Variants in SCAF4 observed in about 807,000 individuals in gnomAD.
SCAF4 encodes SR-related CTD associated factor 4, also known as SR-related and CTD-associated factor 4.
Under a neutral mutation model 129.8 loss-of-function variants are expected in SCAF4, and 25 were observed. The observed-to-expected ratio is 0.19, with a 90% CI of 0.14 to 0.27. The LOEUF is 0.27. SCAF4 is among the 10% of genes least tolerant of loss of function. The pLI is 1.00. For missense variants in SCAF4, 1,246 were observed against 1,457.1 expected (o/e 0.86, Z 2.36); for synonymous variants, 551 against 497.7 (o/e 1.11, Z -1.43).
chr21:31,702,275 G>C lies in SCAF4; in HGVS notation c.426C>G (p.Ala142=), dbSNP rs749608847. 1 of 1,613,832 alleles carries C rather than the reference G, an allele frequency of 6.2e-7. No individual in the cohort carries two copies. Among genetic ancestry groups the C allele is most frequent in the Non-Finnish European group, 8.5e-7 (1 of 1,179,984 alleles). ...LDMAAGTSNA[A]PVAENVTNNE... ...TATTGGTAACATTTTCTGCTACTGG[G>C]GCTGCATTACTGGTTCCCGCTGCCA... The change falls in exon 5 of 20, where the codon GCC becomes GCG. Residue 142 remains alanine (A), a synonymous_variant. Transcript: ENST00000286835.
At chr21:31,701,701 A>T in intron 6 of SCAF4, 75 bp downstream of exon 6, 1 of 1,456,960 alleles carries the variant, frequency 6.9e-7, no homozygotes, top group South Asian at 1.4e-5. Context: ...GTGCTTATTA[A>T]TGAAGAATAG....
intron 5 of SCAF4, 49 bp downstream of exon 5, chr21:31,702,195 T>A: frequency 6.2e-7 from 1 of 1,610,450 alleles, no homozygotes; most frequent in Non-Finnish European, 8.5e-7. Flanking sequence ...CTGTTTCATG[T>A]GCAAAAAATC....
chr21:31,705,748 A>G (rs1225844267), intron 2 of SCAF4, among the ~76,000 whole-genome samples: 1 of 152,202 alleles, frequency 6.6e-6, no homozygotes, highest in Non-Finnish European at 1.5e-5. Flanking sequence ...TATGGGACAA[A>G]ACCAATGGAT....
intron 10 of SCAF4, 86 bp downstream of exon 10, chr21:31,694,727 A>G (rs2050342778): frequency 3.0e-6 from 4 of 1,339,920 alleles, no homozygotes; most frequent in Non-Finnish European, 4.2e-6. Context: ...ATATTCAAAA[A>G]TGAAGACAGC....
chr21:31,729,847 GT>G (rs977131672), intron 1 of SCAF4, among the ~76,000 whole-genome samples: 1 of 152,078 alleles, frequency 6.6e-6, no homozygotes, highest in Non-Finnish European at 1.5e-5. Flanking sequence ...CCTAACTTTG[GT>G]TTTTCAAAGT....
chr21:31,706,473 AG>A lies in SCAF4; in HGVS notation c.31-117del, dbSNP rs149295526. ...AAATACAAACGGGGCCGGGGTGGTGAGGGGGGTCTTAGCAGCTAGGGCAGCA... is the reference window on the plus strand; with the variant it reads ...AAATACAAACGGGGCCGGGGTGGTGAGGGGGTCTTAGCAGCTAGGGCAGCA... On this transcript the variant is annotated intron_variant, in intron 1 of 19. Coordinates refer to ENST00000286835, the MANE Select transcript of SCAF4 (RefSeq NM_020706.2). 5,175 of 688,250 alleles carry A rather than the reference AG, an allele frequency of 7.5e-3. 219 individuals are homozygous for A. The African/African-American group carries it at 0.081, about 11-fold the overall frequency. The allele number at this position is 688,250 out of a possible 1,614,324, so 42.6% of individuals were successfully genotyped here.
At chr21:31,731,165 G>T (rs971170387) in intron 1 of SCAF4, among the ~76,000 whole-genome samples, 1 of 152,158 alleles carries the variant, frequency 6.6e-6, no homozygotes, top group Non-Finnish European at 1.5e-5. Flanking sequence ...TCCAGCCGTC[G>T]ACGCGCCGCG....
chr21:31,726,887 A>C (rs1263101539), intron 1 of SCAF4, among the ~76,000 whole-genome samples: 1 of 152,206 alleles, frequency 6.6e-6, no homozygotes, highest in African/African-American at 2.4e-5. Flanking sequence ...GTATCAGAGA[A>C]TATTATATAT....
chr21:31,718,837 T>C (rs1341352258), intron 1 of SCAF4, among the ~76,000 whole-genome samples: 1 of 152,266 alleles, frequency 6.6e-6, no homozygotes, highest in Non-Finnish European at 1.5e-5. Context: ...CTATACCATA[T>C]TCTCCTCCAC....
intron 13 of SCAF4, 104 bp downstream of exon 13, chr21:31,692,245 T>G (rs2050276150): frequency 1.2e-6 from 1 of 811,842 alleles, no homozygotes; most frequent in South Asian, 1.5e-5. Context: ...TAGTCACATC[T>G]ATAAACCTGG....
intron 1 of SCAF4, among the ~76,000 whole-genome samples, chr21:31,724,791 T>C (rs1359261860): frequency 6.6e-6 from 1 of 152,182 alleles, no homozygotes; most frequent in Non-Finnish European, 1.5e-5. Flanking sequence ...CTGAATTCTG[T>C]TTCACAAGGT....
At position 31,685,712 on chromosome 21, in the gene SCAF4, G is replaced by C; in HGVS notation, c.2065C>G (p.Pro689Ala). The C allele has an allele frequency of 6.2e-7, 1 of 1,604,710 alleles. No individual in the cohort carries two copies. The highest frequency in any genetic ancestry group is 8.5e-7 in the Non-Finnish European group (1 of 1,176,132). ...GGCTGGAGAGCACCAACTACAGGTG[G>C]ACCCGGTTGATGTGGTGGGACCTAG... ...PPQVPPHQPG[P>A]PVVGALQPPA... Residue 689 changes from proline (P) to alanine (A), a missense_variant, in exon 17 of 20, where the codon CCA (proline) becomes GCA (alanine). Around this residue, in one of 6 missense-constraint regions of SCAF4, gnomAD observed 468 missense variants for 605.5 expected, o/e 0.77. Transcript: ENST00000286835.
intron 1 of SCAF4, among the ~76,000 whole-genome samples, chr21:31,717,904 TACACACACACACACACACACACACAC>T (rs35191665): frequency 1.7e-5 from 2 of 117,992 alleles, no homozygotes; most frequent in Non-Finnish European, 3.4e-5. Flanking sequence ...TACACATATA[TACACACACACACACACACACACACAC>T]ACACACACAC....
rs771100211 is a variant in SCAF4 at position 31,685,622 on chromosome 21, G to A, written c.2155C>T (p.Pro719Ser). 2.2e-5 allele frequency: 35 copies of A among 1,614,036 alleles called. No individual in the cohort carries two copies. Among genetic ancestry groups the A allele is most frequent in the Non-Finnish European group, 1.7e-6 (2 of 1,180,036 alleles). ...PGFGPGVPPP[P>S]PPPPFLRPGF... ...GGGCGCAAAAATGGTGGAGGAGGAG[G>A]GGGAGGAGGAACACCAGGACCAAAG... Residue 719 changes from proline to serine, a missense_variant, in exon 17 of 20, where the codon CCT becomes TCT. Around this residue, in one of 6 missense-constraint regions of SCAF4, gnomAD observed 468 missense variants for 605.5 expected, o/e 0.77. Transcript: ENST00000286835.
chr21:31,692,360 C>G lies in SCAF4; in HGVS notation c.1603G>C (p.Glu535Gln). 6.2e-7 allele frequency: 1 copy of G among 1,612,180 alleles called. No individual in the cohort carries two copies. The highest frequency in any genetic ancestry group is 1.3e-5 in the African/African-American group (1 of 74,990). ...ASLLEEFGPIESINMIPPRGC... is the reference protein window; with the variant it reads ...ASLLEEFGPIQSINMIPPRGC... ...GAATAAACACTCACATTAATTGATT[C>G]AATTGGACCAAACTCTTCCAAGAGA... Residue 535 changes from glutamate to glutamine, a missense_variant, in exon 13 of 20, where the codon GAA (glutamate) becomes CAA (glutamine). Physicochemically the swap from Glu to Gln is conservative, Grantham distance 29. Around this residue, in one of 6 missense-constraint regions of SCAF4, gnomAD observed 468 missense variants for 605.5 expected, o/e 0.77. Coordinates refer to ENST00000286835, the MANE Select transcript of SCAF4 (RefSeq NM_020706.2).
At chr21:31,702,489 T>C (rs978629294) in intron 4 of SCAF4, 110 bp from the exon 5 acceptor site, 16 of 957,642 alleles carry the variant, frequency 1.7e-5, no homozygotes, top group African/African-American at 5.0e-5. Flanking sequence ...TTCCATACTA[T>C]GTGTGTTTCA....
In SCAF4 at chr21:31,692,330, A is replaced by G; in HGVS notation, c.1614+19T>C. ...ATCACACCTGTCCATCGTACTTAAA[A>G]AACTGAATAAACACTCACATTAATT... On this transcript the variant is annotated intron_variant, in intron 13 of 19. Transcript: ENST00000286835. The G allele has an allele frequency of 6.3e-7, 1 of 1,579,936 alleles. No individual in the cohort carries two copies. Among genetic ancestry groups the G allele is most frequent in the South Asian group, 1.1e-5 (1 of 90,392 alleles).
Position 31,672,146 on chromosome 21 carries a change from C to T in SCAF4, c.2697G>A (p.Met899Ile), listed in dbSNP as rs779624848. Reference sequence around the variant, plus strand: ...GACCTTTCATTCCATGAGGTGGAGGCATCGCAAAGCCCCCTGGTCCTGGCG... The same window carrying T: ...GACCTTTCATTCCATGAGGTGGAGGTATCGCAAAGCCCCCTGGTCCTGGCG... ...GPPPGPGGFA[M>I]PPPHGMKGPF... is the part of the protein sequence containing the mutation. Residue 899 changes from methionine (M) to isoleucine (I), a missense_variant, in exon 20 of 20, where the codon ATG becomes ATA. Transcript: ENST00000286835. 24 of 1,606,040 alleles carry T rather than the reference C, an allele frequency of 1.5e-5. No homozygotes were observed. Among genetic ancestry groups the T allele is most frequent in the Middle Eastern group, 3.3e-4 (2 of 6,056 alleles).
chr21:31,693,519 T>C (rs1218116262), intron 11 of SCAF4, 35 bp from the exon 12 acceptor site: 1 of 1,365,434 alleles, frequency 7.3e-7, no homozygotes. Context: ...ATGCATAGCA[T>C]ATAGACAAAA....
Sources: gnomAD v4.1 joint callset for allele counts (sites outside exome capture counted in the v4.1 genomes callset) on GRCh38, gnomAD v4.1.1 for gene constraint, gnomAD v4.1.1 regional missense constraint, MANE v1.5 for transcripts, NCBI Gene and HGNC (gene_info 2026-07-23, HGNC 2026-07-21) for gene names.